The following GRIN2B variants were observed in gnomAD, a reference collection of about 807,000 sequenced individuals.
The protein encoded by GRIN2B is glutamate ionotropic receptor NMDA type subunit 2B.
In GRIN2B, 5 loss-of-function variants were observed where a neutral mutation model predicts 114.5. The ratio of observed to expected loss-of-function variants is 0.04; its 90% CI spans 0.02 to 0.09. The LOEUF (loss-of-function observed/expected upper bound fraction) is 0.09, where lower values mean the gene tolerates loss of function less well. Among genes scored for constraint, GRIN2B ranks in the 10% least tolerant of loss-of-function variants. The pLI is 1.00. For synonymous variants in GRIN2B, 787 were observed against 745.1 expected, an observed-to-expected ratio of 1.06 and a Z score of -0.92; for missense variants, 1,108 against 1,943.5, an observed-to-expected ratio of 0.57 and a Z score of 8.08.
chr12:13,795,620 G>A (rs1426439674), intron 3 of GRIN2B, among the ~76,000 whole-genome samples: 1 of 152,168 alleles, frequency 6.6e-6, no homozygotes, highest in African/African-American at 2.4e-5. Context: ...ACTACATAAA[G>A]ACACGTGCAT....
At chr12:13,792,053 C>A (rs1864331039) in intron 3 of GRIN2B, among the ~76,000 whole-genome samples, 1 of 152,216 alleles carries the variant, frequency 6.6e-6, no homozygotes, top group African/African-American at 2.4e-5. Flanking sequence ...TGAGAACACG[C>A]CATATTCGTC....
chr12:13,830,429 C>A (rs900599520), intron 3 of GRIN2B, among the ~76,000 whole-genome samples: 13 of 152,136 alleles, frequency 8.5e-5, no homozygotes, highest in Non-Finnish European at 4.4e-5. Context: ...GATACCATTT[C>A]TTTCATTTCT....
chr12:13,579,878 A>G (rs1018862640), intron 10 of GRIN2B, among the ~76,000 whole-genome samples: 39 of 152,184 alleles, frequency 2.6e-4, no homozygotes, highest in Admixed American at 3.9e-4. Flanking sequence ...AGGCTTCTAG[A>G]AGGAGGCTGA....
chr12:13,755,202 A>T (rs1863555894), intron 3 of GRIN2B, among the ~76,000 whole-genome samples: 1 of 152,332 alleles, frequency 6.6e-6, no homozygotes, highest in South Asian at 2.1e-4. Flanking sequence ...AAACAAAATT[A>T]CATAGTGGTT....
At chr12:13,846,410 A>C (rs183891151) in intron 3 of GRIN2B, among the ~76,000 whole-genome samples, 41 of 152,326 alleles carry the variant, frequency 2.7e-4, no homozygotes, top group African/African-American at 9.6e-4. Flanking sequence ...CTTCCATTTT[A>C]TATAATCCTA....
intron 2 of GRIN2B, among the ~76,000 whole-genome samples, chr12:13,874,105 T>C (rs1865956787): frequency 1.3e-5 from 2 of 152,154 alleles, no homozygotes; most frequent in African/African-American, 4.8e-5. Context: ...GATGGCCCCA[T>C]CACTGCCAAA....
intron 2 of GRIN2B, among the ~76,000 whole-genome samples, chr12:13,886,862 C>A (rs1866168060): frequency 6.6e-6 from 1 of 152,200 alleles, no homozygotes; most frequent in Admixed American, 6.5e-5. Flanking sequence ...ATACAGTACT[C>A]ATGTCACATG....
chr12:13,963,996 C>A (rs1867745456), intron 2 of GRIN2B, among the ~76,000 whole-genome samples: 1 of 152,176 alleles, frequency 6.6e-6, no homozygotes, highest in South Asian at 2.1e-4. Context: ...AAGAAATCTT[C>A]ACCCTGGGGT....
chr12:13,836,391 C>CA (rs974822112), intron 3 of GRIN2B, among the ~76,000 whole-genome samples: 1 of 152,076 alleles, frequency 6.6e-6, no homozygotes, highest in Non-Finnish European at 1.5e-5. Flanking sequence ...TTTATTTATT[C>CA]AAAAAATGTA....
At chr12:13,735,195 G>T (rs900596762) in intron 4 of GRIN2B, among the ~76,000 whole-genome samples, 1 of 152,192 alleles carries the variant, frequency 6.6e-6, no homozygotes, top group Non-Finnish European at 1.5e-5. Context: ...TCTTATTTGA[G>T]CCAATAAAAC....
At chr12:13,846,032 C>G (rs1865468046) in intron 3 of GRIN2B, among the ~76,000 whole-genome samples, 1 of 152,198 alleles carries the variant, frequency 6.6e-6, no homozygotes, top group Admixed American at 6.5e-5. Flanking sequence ...ACTCAACATT[C>G]TCTTCTCATG....
At chr12:13,970,913 T>C (rs1201592552) in intron 2 of GRIN2B, among the ~76,000 whole-genome samples, 2 of 151,976 alleles carry the variant, frequency 1.3e-5, no homozygotes, top group Non-Finnish European at 2.9e-5. Flanking sequence ...TATTCTCCAT[T>C]CCCCCTCAAG....
intron 5 of GRIN2B, among the ~76,000 whole-genome samples, chr12:13,630,562 T>C (rs1949607896): frequency 6.6e-6 from 1 of 152,094 alleles, no homozygotes; most frequent in Admixed American, 6.6e-5. Context: ...CTGAAAAAAC[T>C]TGGGCCAGCC....
At chr12:13,732,636 G>A (rs61912100) in intron 4 of GRIN2B, among the ~76,000 whole-genome samples, 17,425 of 152,198 alleles carry the variant, frequency 0.11, 1,251 homozygotes, top group Non-Finnish European at 0.16. Flanking sequence ...TGTGTATGGG[G>A]ACTTCACTTC....
chr12:13,783,998 T>C (rs756793099), intron 3 of GRIN2B, among the ~76,000 whole-genome samples: 1 of 151,766 alleles, frequency 6.6e-6, no homozygotes, highest in East Asian at 1.9e-4. Context: ...CCAAGGCGGG[T>C]GGATCACGAG....
chr12:13,820,974 C>A (rs1864923325), intron 3 of GRIN2B, among the ~76,000 whole-genome samples: 2 of 152,120 alleles, frequency 1.3e-5, no homozygotes, highest in South Asian at 4.2e-4. Flanking sequence ...TGGCCCTTTA[C>A]AGTCTGCCCC....
Position 13,905,116 on chromosome 12 carries a change from G to C in GRIN2B, c.-18-38890C>G, listed in dbSNP as rs1866515957. ...TCAAAATTGTTACATAGTTCTGGTA[G>C]AATAAACTTTTTCTCATGAGGATGT... On this transcript the variant is annotated intron_variant, in intron 2 of 13. Coordinates refer to ENST00000609686, the MANE Select transcript of GRIN2B (RefSeq NM_000834.5). 2.6e-5 allele frequency among the ~76,000 whole-genome samples: 4 copies of C among 152,064 alleles called. No homozygotes were observed. In the South Asian group the frequency reaches 6.2e-4, roughly 24 times the overall value.
At chr12:13,738,388 T>G (rs556399378) in intron 4 of GRIN2B, among the ~76,000 whole-genome samples, 1 of 152,362 alleles carries the variant, frequency 6.6e-6, no homozygotes, top group East Asian at 1.9e-4. Context: ...TTATAATCTA[T>G]GTACAGAGGA....
chr12:13,797,388 G>A (rs1864435780), intron 3 of GRIN2B, among the ~76,000 whole-genome samples: 1 of 152,142 alleles, frequency 6.6e-6, no homozygotes, highest in South Asian at 2.1e-4. Context: ...CAAACATTCA[G>A]ACAATAGCAA....
Sources: gnomAD v4.1 joint callset for allele counts (sites outside exome capture counted in the v4.1 genomes callset) on GRCh38, gnomAD v4.1.1 for gene constraint, MANE v1.5 for transcripts, NCBI Gene and HGNC (gene_info 2026-07-23, HGNC 2026-07-21) for gene names.